Variants in UGT1A10 observed in about 807,000 individuals in gnomAD.
UGT1A10 encodes UDP-glucuronosyltransferase 1A10.
A neutral mutation model predicts 45.8 loss-of-function variants in UGT1A10; 49 were observed. That is an observed-to-expected ratio of 1.07 (90% CI 0.85 to 1.36). The LOEUF (loss-of-function observed/expected upper bound fraction) is 1.36, where lower values mean the gene tolerates loss of function less well. Ranked by LOEUF, UGT1A10 falls within the 40% of genes most tolerant of loss-of-function variation. UGT1A10 has a pLI of 0.00. For missense variants in UGT1A10, 745 were observed against 668.6 expected, an observed-to-expected ratio of 1.11 and a Z score of -1.26; for synonymous variants, 284 against 249.7, an observed-to-expected ratio of 1.14 and a Z score of -1.29.
chr2:233,653,655 G>T (rs1575403197), intron 1 of UGT1A10, among the ~76,000 whole-genome samples: 1 of 152,274 alleles, frequency 6.6e-6, no homozygotes, highest in African/African-American at 2.4e-5. Flanking sequence ...GGAGTGCAGT[G>T]GTGCGATCTC....
intron 1 of UGT1A10, among the ~76,000 whole-genome samples, chr2:233,754,056 T>C (rs963446161): frequency 1.3e-5 from 2 of 152,238 alleles, no homozygotes; most frequent in Non-Finnish European, 2.9e-5. Context: ...TTTACCTGCT[T>C]TTATAAAGCC....
chr2:233,669,109 C>G (rs145642163), intron 1 of UGT1A10, among the ~76,000 whole-genome samples: 7 of 152,352 alleles, frequency 4.6e-5, no homozygotes, highest in African/African-American at 1.7e-4. Context: ...CTTTTCCCCA[C>G]AGAATTGCCT....
intron 1 of UGT1A10, chr2:233,647,824 A>C: frequency 1.0e-6 from 1 of 968,156 alleles, no homozygotes; most frequent in Non-Finnish European, 1.5e-6. Flanking sequence ...GATTTGCCCC[A>C]AAAGCTAGCT....
At chr2:233,647,940 G>A in intron 1 of UGT1A10, 1 of 1,605,558 alleles carries the variant, frequency 6.2e-7, no homozygotes. Context: ...CCATGGATGG[G>A]AGCCACTGGT....
At chr2:233,681,536 A>G (rs1440525559) in intron 1 of UGT1A10, among the ~76,000 whole-genome samples, 1 of 150,290 alleles carries the variant, frequency 6.7e-6, no homozygotes, top group Non-Finnish European at 1.5e-5. Flanking sequence ...ATCTCAAAAA[A>G]AAAAAAAAAA....
intron 1 of UGT1A10, among the ~76,000 whole-genome samples, chr2:233,660,374 G>A (rs570084965): frequency 6.6e-6 from 1 of 152,118 alleles, no homozygotes; most frequent in Non-Finnish European, 1.5e-5. Context: ...GACCACTTTG[G>A]CTCCTTTTGT....
At chr2:233,711,559 C>T (rs1421347641) in intron 1 of UGT1A10, among the ~76,000 whole-genome samples, 2 of 152,214 alleles carry the variant, frequency 1.3e-5, no homozygotes, top group Non-Finnish European at 2.9e-5. Context: ...GGAGAGTTCC[C>T]AAAGCCCTTG....
chr2:233,691,608 G>C (rs2075049799), intron 1 of UGT1A10: 1 of 985,544 alleles, frequency 1.0e-6, no homozygotes, highest in East Asian at 1.1e-4. Flanking sequence ...TCTTGCTCTG[G>C]GACCGCCCTC....
intron 1 of UGT1A10, among the ~76,000 whole-genome samples, chr2:233,678,254 C>A (rs1238756940): frequency 1.3e-5 from 2 of 152,194 alleles, no homozygotes. Context: ...CCCCAAACAT[C>A]AGCATCACAC....
rs1014873450 is a variant in UGT1A10, at chr2:233,765,562, T to G, written c.856-1472T>G. Among the ~76,000 whole-genome samples, 9 of 151,822 alleles carry G rather than the reference T, an allele frequency of 5.9e-5. No homozygotes were observed. In the East Asian group the frequency reaches 1.7e-3, roughly 29 times the overall value. Reference sequence around the variant, plus strand: ...ATAAGTGGGAGTTGAACAGTGAGAATGCGTAGACGCAGGGAGGGGAACAAC... The same window carrying G: ...ATAAGTGGGAGTTGAACAGTGAGAAGGCGTAGACGCAGGGAGGGGAACAAC... On this transcript the variant is annotated intron_variant, in intron 1 of 4. Transcript: ENST00000344644.
At chr2:233,763,667 A>G (rs1461035011) in intron 1 of UGT1A10, among the ~76,000 whole-genome samples, 2 of 152,194 alleles carry the variant, frequency 1.3e-5, no homozygotes, top group African/African-American at 4.8e-5. Context: ...AAAACTCCTG[A>G]ACTTTAAGAA....
At chr2:233,647,471 C>T (rs2073634783) in intron 1 of UGT1A10, among the ~76,000 whole-genome samples, 2 of 152,036 alleles carry the variant, frequency 1.3e-5, no homozygotes, top group South Asian at 4.2e-4. Context: ...TTATTTCTTC[C>T]TTCAGTGTTT....
Position 233,772,371 on chromosome 2 carries a change from C to T in UGT1A10, c.1405C>T (p.Pro469Ser), listed in dbSNP as rs377565834. Reference sequence around the variant, plus strand: ...GTTTGTGATGAGGCACAAGGGCGCGCCACACCTGCGCCCCGCAGCCCACGA... The same window carrying T: ...GTTTGTGATGAGGCACAAGGGCGCGTCACACCTGCGCCCCGCAGCCCACGA... ...VEFVMRHKGA[P>S]HLRPAAHDLT... Residue 469 changes from proline to serine, a missense_variant, in exon 5 of 5, where the codon CCA becomes TCA. Coordinates refer to ENST00000344644, the MANE Select transcript of UGT1A10 (RefSeq NM_019075.4). 8 of 1,614,242 alleles carry T rather than the reference C, an allele frequency of 5.0e-6. No individual in the cohort carries two copies. Among genetic ancestry groups the T allele is most frequent in the Non-Finnish European group, 6.8e-6 (8 of 1,180,046 alleles).
chr2:233,663,567 C>T (rs573094523), intron 1 of UGT1A10, among the ~76,000 whole-genome samples: 28 of 152,182 alleles, frequency 1.8e-4, no homozygotes, highest in East Asian at 7.7e-4. Flanking sequence ...GTCAGAATCT[C>T]GTAACCTCCA....
At chr2:233,653,520 A>C (rs1575403116) in intron 1 of UGT1A10, among the ~76,000 whole-genome samples, 1 of 152,240 alleles carries the variant, frequency 6.6e-6, no homozygotes. Flanking sequence ...GAGACTTATC[A>C]TGAGGTCAGT....
intron 1 of UGT1A10, among the ~76,000 whole-genome samples, chr2:233,705,281 A>G (rs2075838525): frequency 6.6e-6 from 1 of 152,236 alleles, no homozygotes; most frequent in Non-Finnish European, 1.5e-5. Flanking sequence ...TTCAACCTGA[A>G]GAACTTCCTT....
chr2:233,697,515 T>A (rs11894379), intron 1 of UGT1A10, among the ~76,000 whole-genome samples: 4,554 of 150,122 alleles, frequency 0.03, 92 homozygotes, highest in Middle Eastern at 0.054. Context: ...TTTTTTTTTT[T>A]AAAAAACTTT....
chr2:233,647,535 A>C (rs2073636439), intron 1 of UGT1A10, among the ~76,000 whole-genome samples: 2 of 152,246 alleles, frequency 1.3e-5, no homozygotes, highest in Non-Finnish European at 2.9e-5. Flanking sequence ...TTGTGGGAAC[A>C]TTTGAAGTCA....
At position 233,637,314 on chromosome 2, in the gene UGT1A10, C is replaced by G. The variant is rs768029713; in HGVS notation, c.792C>G (p.Pro264=). ...RTDFVLDYPK[P]VMPNMIFIGG... ...ACTTTGTTTTGGACTATCCCAAACCCGTGATGCCCAACATGATCTTCATTG... is the reference window on the plus strand; with the variant it reads ...ACTTTGTTTTGGACTATCCCAAACCGGTGATGCCCAACATGATCTTCATTG... The change falls in exon 1 of 5, where the codon CCC becomes CCG. Residue 264 remains proline, a synonymous_variant. Transcript: ENST00000344644. The G allele has an allele frequency of 1.9e-6, 3 of 1,613,918 alleles. No individual in the cohort carries two copies. In the Admixed American group the frequency reaches 5.0e-5, roughly 27 times the overall value.
Sources: gnomAD v4.1 joint callset for allele counts (sites outside exome capture counted in the v4.1 genomes callset) on GRCh38, gnomAD v4.1.1 for gene constraint, MANE v1.5 for transcripts, NCBI Gene and HGNC (gene_info 2026-07-23, HGNC 2026-07-21) for gene names.